Variants in ZNF804B observed in about 807,000 individuals in gnomAD.
The protein encoded by ZNF804B is zinc finger 804B.
Under a neutral mutation model 101.4 loss-of-function variants are expected in ZNF804B, and 80 were observed. The observed-to-expected ratio is 0.79, with a 90% confidence interval of 0.66 to 0.95. The LOEUF (loss-of-function observed/expected upper bound fraction) is 0.95. ZNF804B is among the 40% of genes least tolerant of loss of function. The probability of loss-of-function intolerance (pLI) is 0.00; values close to 1 mark genes in which losing one functional copy is unlikely to be tolerated. For synonymous variants in ZNF804B, 622 were observed against 558.8 expected, an observed-to-expected ratio of 1.11 and a Z score of -1.59; for missense variants, 1,673 against 1,561.9, an observed-to-expected ratio of 1.07 and a Z score of -1.20.
intron 1 of ZNF804B, among the ~76,000 whole-genome samples, chr7:88,769,893 C>T (rs775264808): frequency 1.2e-4 from 19 of 152,064 alleles, no homozygotes; most frequent in Non-Finnish European, 2.8e-4. Context: ...GTAAGAGAAG[C>T]TTGGTCTTCT....
chr7:89,242,890 A>G lies in ZNF804B; in HGVS notation c.249+24595A>G, dbSNP rs144483862. ...TGTTTTACTTACCAATTAAATCACT[A>G]TATAGTATAGCAGTGCTGTAGGAGG... On this transcript the variant is annotated intron_variant, in intron 2 of 3. Coordinates refer to ENST00000333190, the MANE Select transcript of ZNF804B (RefSeq NM_181646.5). 3.8e-3 allele frequency among the ~76,000 whole-genome samples: 575 copies of G among 151,960 alleles called. 3 individuals are homozygous for G. Among genetic ancestry groups the G allele is most frequent in the African/African-American group, 0.013 (552 of 41,544 alleles).
chr7:88,860,446 C>T (rs1423455194), intron 1 of ZNF804B, among the ~76,000 whole-genome samples: 1 of 151,916 alleles, frequency 6.6e-6, no homozygotes, highest in East Asian at 1.9e-4. Context: ...TATGTATGCC[C>T]TGGTGGGTAG....
Position 88,759,749 on chromosome 7 carries a change from T to G in ZNF804B, c.-228T>G. 1.8e-6 allele frequency: 1 copy of G among 569,482 alleles called. No homozygotes were observed. Among genetic ancestry groups the G allele is most frequent in the Non-Finnish European group, 3.1e-6 (1 of 317,600 alleles). The allele number at this position is 569,482 out of a possible 1,614,324, so 35.3% of individuals were successfully genotyped here. A position where few individuals can be genotyped will look rare whatever the true frequency, so the allele number is the denominator to read the frequency against. On this transcript the variant is annotated 5_prime_UTR_variant, in exon 1 of 4. Transcript: ENST00000333190. Reference sequence around the variant, plus strand: ...GGACTGGCTCGCCGGGTCCCCTCCGTGCTCTGTGCTGTCGCCGCCGCCGCC... The same window carrying G: ...GGACTGGCTCGCCGGGTCCCCTCCGGGCTCTGTGCTGTCGCCGCCGCCGCC...
chr7:88,838,562 T>A (rs1791249501), intron 1 of ZNF804B, among the ~76,000 whole-genome samples: 1 of 152,000 alleles, frequency 6.6e-6, no homozygotes, highest in Non-Finnish European at 1.5e-5. Context: ...AATAGATTTG[T>A]TACCTATACT....
At chr7:88,898,012 A>G (rs1056200840) in intron 1 of ZNF804B, among the ~76,000 whole-genome samples, 6 of 150,724 alleles carry the variant, frequency 4.0e-5, no homozygotes, top group African/African-American at 1.5e-4. Flanking sequence ...AAATGTCCAA[A>G]ATTGAATTTA....
At chr7:89,216,072 G>A (rs890440391) in intron 1 of ZNF804B, among the ~76,000 whole-genome samples, 2 of 152,124 alleles carry the variant, frequency 1.3e-5, no homozygotes, top group Admixed American at 6.5e-5. Flanking sequence ...GGGAGGCCGC[G>A]GCAGGTGGAT....
At chr7:89,029,100 C>G (rs1788791556) in intron 1 of ZNF804B, among the ~76,000 whole-genome samples, 1 of 151,840 alleles carries the variant, frequency 6.6e-6, no homozygotes, top group African/African-American at 2.4e-5. Context: ...TTTGGAAAAG[C>G]TAATATTTGT....
intron 1 of ZNF804B, among the ~76,000 whole-genome samples, chr7:89,168,432 G>A (rs1044720347): frequency 1.3e-5 from 2 of 152,044 alleles, no homozygotes; most frequent in African/African-American, 4.8e-5. Flanking sequence ...GGATTCAGCT[G>A]TAGTTGTACT....
At chr7:88,978,041 A>G (rs777497800) in intron 1 of ZNF804B, among the ~76,000 whole-genome samples, 2 of 151,746 alleles carry the variant, frequency 1.3e-5, no homozygotes, top group African/African-American at 4.8e-5. Context: ...TGTAATTTTC[A>G]AAGTTTCTCT....
chr7:88,991,658 CATAGAGCAGTA>C (rs1276636309), intron 1 of ZNF804B, among the ~76,000 whole-genome samples: 2 of 152,274 alleles, frequency 1.3e-5, no homozygotes, highest in South Asian at 2.1e-4. Context: ...CTGGAGCAGT[CATAGAGCAGTA>C]ATAGAGCAGT....
chr7:89,171,288 G>GCTGCTGCTGCTT lies in ZNF804B; in HGVS notation c.109-46865_109-46864insGCTGCTGCTTCT, dbSNP rs1215246589. 4.8e-3 allele frequency among the ~76,000 whole-genome samples: 395 copies of GCTGCTGCTGCTT among 82,438 alleles called. 3 individuals are homozygous for GCTGCTGCTGCTT. The highest frequency in any genetic ancestry group is 0.014 in the African/African-American group (288 of 20,590). The allele number at this position is 82,438 out of a possible 152,430, so 54.1% of individuals were successfully genotyped here. ...AGTAGGCACAAATAATGCTGCTGCT[G>GCTGCTGCTGCTT]CTTCTTCTTCTTCTTCTTCTTCTTC... On this transcript the variant is annotated intron_variant, in intron 1 of 3. Transcript: ENST00000333190.
intron 1 of ZNF804B, among the ~76,000 whole-genome samples, chr7:88,975,081 C>T (rs1584048761): frequency 6.6e-6 from 1 of 151,424 alleles, no homozygotes; most frequent in South Asian, 2.1e-4. Flanking sequence ...TCTTCCAGTT[C>T]TATCCATTTC....
At chr7:89,151,244 A>G (rs945007594) in intron 1 of ZNF804B, among the ~76,000 whole-genome samples, 3 of 152,268 alleles carry the variant, frequency 2.0e-5, no homozygotes, top group South Asian at 2.1e-4. Flanking sequence ...AATGTGGTAT[A>G]TAATGGCCAT....
intron 1 of ZNF804B, among the ~76,000 whole-genome samples, chr7:89,147,447 C>G (rs1208920383): frequency 6.6e-6 from 1 of 151,990 alleles, no homozygotes; most frequent in Non-Finnish European, 1.5e-5. Flanking sequence ...ATCAAGGTGT[C>G]AAAATTGTTT....
At chr7:89,132,656 A>G (rs929186104) in intron 1 of ZNF804B, among the ~76,000 whole-genome samples, 7 of 152,024 alleles carry the variant, frequency 4.6e-5, no homozygotes, top group Admixed American at 2.6e-4. Context: ...TAATGAGTTG[A>G]TATATGTATA....
intron 1 of ZNF804B, among the ~76,000 whole-genome samples, chr7:88,894,797 G>C (rs1232569524): frequency 6.6e-6 from 1 of 152,040 alleles, no homozygotes; most frequent in Non-Finnish European, 1.5e-5. Context: ...TAATATTCTA[G>C]AAAAGATGCA....
intron 1 of ZNF804B, among the ~76,000 whole-genome samples, chr7:89,091,986 C>T (rs531372893): frequency 6.6e-6 from 1 of 152,154 alleles, no homozygotes; most frequent in African/African-American, 2.4e-5. Flanking sequence ...ATAAATGTAT[C>T]TCATGTGTCT....
chr7:89,103,473 G>T (rs1168108891), intron 1 of ZNF804B, among the ~76,000 whole-genome samples: 1 of 146,374 alleles, frequency 6.8e-6, no homozygotes, highest in Non-Finnish European at 1.5e-5. Context: ...TAGGTATTTT[G>T]TGTGTGTGCA....
chr7:89,078,948 G>T (rs987270241), intron 1 of ZNF804B, among the ~76,000 whole-genome samples: 1 of 151,900 alleles, frequency 6.6e-6, no homozygotes, highest in Non-Finnish European at 1.5e-5. Flanking sequence ...TGTTTATTAC[G>T]GAAATTCTGA....
Sources: allele counts gnomAD v4.1 joint callset (sites outside exome capture counted in the v4.1 genomes callset), GRCh38; gene constraint gnomAD v4.1.1; transcripts MANE v1.5; gene names NCBI Gene and HGNC (gene_info 2026-07-23, HGNC 2026-07-21).